The following PIEZO2 variants were observed in gnomAD, a reference collection of about 807,000 sequenced individuals.
The protein encoded by PIEZO2 is piezo-type mechanosensitive ion channel component 2.
In PIEZO2, 172 loss-of-function variants were observed where a neutral mutation model predicts 337.3. The observed-to-expected ratio is 0.51, with a 90% CI of 0.45 to 0.58. The LOEUF is 0.58. PIEZO2 is among the 20% of genes least tolerant of loss of function. The probability of loss-of-function intolerance (pLI) is 0.00; values close to 1 mark genes in which losing one functional copy is unlikely to be tolerated. For synonymous variants in PIEZO2, 1,251 were observed against 1,228.5 expected (o/e 1.02, Z -0.38); for missense variants, 3,028 against 3,391.3 (o/e 0.89, Z 2.66).
At chr18:11,046,222 G>A (rs563398434) in intron 2 of PIEZO2, among the ~76,000 whole-genome samples, 29 of 152,306 alleles carry the variant, frequency 1.9e-4, no homozygotes, top group African/African-American at 7.0e-4. Context: ...AGCTCTAGCT[G>A]CTGAATATTT....
chr18:10,928,190 C>T (rs565763708), intron 3 of PIEZO2, among the ~76,000 whole-genome samples: 3 of 152,202 alleles, frequency 2.0e-5, no homozygotes, highest in East Asian at 1.9e-4. Context: ...TAAGGGAAAG[C>T]GGGGGAGCTA....
intron 3 of PIEZO2, among the ~76,000 whole-genome samples, chr18:10,947,390 T>A (rs1443732092): frequency 6.6e-6 from 1 of 152,154 alleles, no homozygotes; most frequent in Non-Finnish European, 1.5e-5. Context: ...AAAATAACTG[T>A]CTGTTGTAAA....
At chr18:11,006,181 A>G (rs1285110539) in intron 2 of PIEZO2, among the ~76,000 whole-genome samples, 2 of 152,112 alleles carry the variant, frequency 1.3e-5, no homozygotes, top group Non-Finnish European at 2.9e-5. Context: ...TGTTTTGTAC[A>G]CTTCACCACT....
At chr18:10,791,094 A>G in intron 14 of PIEZO2, 107 bp downstream of exon 14, 1 of 1,213,058 alleles carries the variant, frequency 8.2e-7, no homozygotes, top group Non-Finnish European at 1.1e-6. Context: ...CTCCAAGTTT[A>G]CATTCCAGTT....
intron 7 of PIEZO2, among the ~76,000 whole-genome samples, chr18:10,848,197 C>G (rs180785612): frequency 2.4e-4 from 37 of 152,350 alleles, no homozygotes; most frequent in Admixed American, 1.1e-3. Flanking sequence ...TGCATTCTTT[C>G]ATTTTCTAGA....
intron 1 of PIEZO2, among the ~76,000 whole-genome samples, chr18:11,118,384 G>A (rs952678968): frequency 6.6e-6 from 1 of 152,172 alleles, no homozygotes; most frequent in Non-Finnish European, 1.5e-5. Context: ...TGAGATGCCT[G>A]GAGTGACAAC....
Position 11,027,965 on chromosome 18 carries a change from G to T in PIEZO2, c.160+38162C>A, listed in dbSNP as rs1289099308. Among the ~76,000 whole-genome samples the T allele has an allele frequency of 1.3e-5, 2 of 152,222 alleles. No individual in the cohort carries two copies. Among genetic ancestry groups the T allele is most frequent in the African/African-American group, 4.8e-5 (2 of 41,470 alleles). On this transcript the variant is annotated intron_variant, in intron 2 of 55. Transcript: ENST00000674853. This position sits in a 1 kb window ranked among gnomAD's most constrained non-coding sequence, Gnocchi z 4.2. ...GATAAATTCTTCAAACACTGTTTCTGAGAATGATCTCACAGAACAGGAAGA... is the reference window on the plus strand; with the variant it reads ...GATAAATTCTTCAAACACTGTTTCTTAGAATGATCTCACAGAACAGGAAGA...
intron 7 of PIEZO2, among the ~76,000 whole-genome samples, chr18:10,814,254 C>A (rs942333088): frequency 6.6e-6 from 1 of 152,010 alleles, no homozygotes; most frequent in Non-Finnish European, 1.5e-5. Flanking sequence ...CAGGCATGAG[C>A]CACCGTGCCC....
intron 8 of PIEZO2, among the ~76,000 whole-genome samples, chr18:10,805,290 A>G (rs963415090): frequency 6.6e-6 from 1 of 152,192 alleles, no homozygotes. Flanking sequence ...AAGGCGAGTG[A>G]ATTACCTGAG....
chr18:10,904,639 C>G (rs1057114601), intron 4 of PIEZO2, among the ~76,000 whole-genome samples: 2 of 152,234 alleles, frequency 1.3e-5, no homozygotes, highest in African/African-American at 4.8e-5. Flanking sequence ...GGCATTTCTT[C>G]TTCAGCCACA....
At chr18:10,772,009 C>A (rs1158650803) in intron 20 of PIEZO2, among the ~76,000 whole-genome samples, 3 of 152,150 alleles carry the variant, frequency 2.0e-5, no homozygotes, top group African/African-American at 7.2e-5. Flanking sequence ...AGAGAGAAGC[C>A]ATAAAATGCT....
intron 48 of PIEZO2, among the ~76,000 whole-genome samples, chr18:10,690,433 C>A (rs2034762617): frequency 6.6e-6 from 1 of 152,126 alleles, no homozygotes; most frequent in Non-Finnish European, 1.5e-5. Context: ...TCTCCCAGGG[C>A]CCTCACAGCA....
At chr18:10,910,223 G>C (rs1396679996) in intron 4 of PIEZO2, among the ~76,000 whole-genome samples, 1 of 152,144 alleles carries the variant, frequency 6.6e-6, no homozygotes, top group Non-Finnish European at 1.5e-5. Context: ...GAGATAAGAT[G>C]CTAAATGCCA....
At chr18:11,075,844 A>C (rs973116081) in intron 1 of PIEZO2, among the ~76,000 whole-genome samples, 6 of 142,896 alleles carry the variant, frequency 4.2e-5, no homozygotes, top group Non-Finnish European at 7.5e-5. Flanking sequence ...GCTGGAGTGC[A>C]GTGGCGCGAT....
chr18:10,953,640 G>A lies in PIEZO2; in HGVS notation c.286+25895C>T, dbSNP rs1296997639. On this transcript the variant is annotated intron_variant, in intron 3 of 55. Transcript: ENST00000674853. The surrounding 1 kb of genome is among the most constrained non-coding windows in gnomAD (Gnocchi z 5.2). ...GGTTTTATAGTGCTATGATGACCTC[G>A]TATTCACCTCATTAGTGAGGAAGGC... is the stretch of plus-strand genomic sequence containing the variant. Among the ~76,000 whole-genome samples the A allele has an allele frequency of 6.6e-6, 1 of 151,868 alleles. No homozygotes were observed. Among genetic ancestry groups the A allele is most frequent in the Admixed American group, 6.6e-5 (1 of 15,256 alleles).
chr18:10,955,210 C>A (rs1324351833), intron 3 of PIEZO2, among the ~76,000 whole-genome samples: 1 of 152,110 alleles, frequency 6.6e-6, no homozygotes, highest in African/African-American at 2.4e-5. Flanking sequence ...AAAACTCAAG[C>A]CAAATTACAT....
At position 10,671,571 on chromosome 18, in the gene PIEZO2, A is replaced by T; in HGVS notation, c.8554T>A (p.Ser2852Thr). ...GTCCATTTGATCATTGTCTCTGGTG[A>T]GCGATATAGGAATATTAATTTGGCA... The part of the protein sequence containing the change: ...LYAKLIFLYR[S>T]PETMIKWTRE... Residue 2852 changes from serine (S) to threonine (T), a missense_variant, in exon 56 of 56, where the codon TCA (serine) becomes ACA (threonine). By Grantham distance (58) the Ser-to-Thr change is moderately conservative. This residue lies in a region of PIEZO2 where 332 missense variants were observed against 363.8 expected (regional missense o/e 0.91). Coordinates refer to ENST00000674853, the MANE Select transcript of PIEZO2 (RefSeq NM_001378183.1). The T allele has an allele frequency of 6.2e-7, 1 of 1,613,814 alleles. No homozygotes were observed. The highest frequency in any genetic ancestry group is 8.5e-7 in the Non-Finnish European group (1 of 1,179,842).
At position 10,923,726 on chromosome 18, in the gene PIEZO2, C is replaced by G. The variant is rs147436352; in HGVS notation, c.287-12498G>C. Among the ~76,000 whole-genome samples, 10 of 152,288 alleles carry G rather than the reference C, an allele frequency of 6.6e-5. No individual in the cohort carries two copies. The East Asian group carries it at 1.2e-3, about 18-fold the overall frequency. On this transcript the variant is annotated intron_variant, in intron 3 of 55. Coordinates refer to ENST00000674853, the MANE Select transcript of PIEZO2 (RefSeq NM_001378183.1). ...AAACTGCACCCATGGTGCTCATCTCCCTCTGTCAGTTTTCTCTCAGAACTG... is the reference window on the plus strand; with the variant it reads ...AAACTGCACCCATGGTGCTCATCTCGCTCTGTCAGTTTTCTCTCAGAACTG...
chr18:11,115,650 T>A (rs917503494), intron 1 of PIEZO2, among the ~76,000 whole-genome samples: 1 of 152,218 alleles, frequency 6.6e-6, no homozygotes, highest in Non-Finnish European at 1.5e-5. Context: ...GGAGAACATA[T>A]GTAACCTTCA....
Sources: allele counts gnomAD v4.1 joint callset (sites outside exome capture counted in the v4.1 genomes callset), GRCh38; gene constraint gnomAD v4.1.1; regional missense constraint gnomAD v4.1.1; non-coding constraint Gnocchi (gnomAD v3.1); transcripts MANE v1.5; gene names NCBI Gene and HGNC (gene_info 2026-07-23, HGNC 2026-07-21).